The following SKAP1 variants were observed in gnomAD, a reference collection of about 807,000 sequenced individuals.
SKAP1 encodes src kinase-associated phosphoprotein 1.
SKAP1 carries 44 observed loss-of-function variants against 58.5 expected under a neutral mutation model. The ratio of observed to expected loss-of-function variants is 0.75; its 90% CI spans 0.59 to 0.97. The LOEUF is 0.97. Ranked by LOEUF, SKAP1 falls within the 50% of genes least tolerant of loss-of-function variation. The probability of loss-of-function intolerance (pLI) is 0.00; values close to 1 mark genes in which losing one functional copy is unlikely to be tolerated. For missense variants in SKAP1, 390 were observed against 435.2 expected, an observed-to-expected ratio of 0.90 and a Z score of 0.92; for synonymous variants, 127 against 149.7, an observed-to-expected ratio of 0.85 and a Z score of 1.11.
intron 9 of SKAP1, among the ~76,000 whole-genome samples, chr17:48,174,442 G>C (rs1232004367): frequency 2.0e-5 from 3 of 152,204 alleles, no homozygotes; most frequent in Non-Finnish European, 4.4e-5. Context: ...CCTAGGTTCA[G>C]AGGGCACAAT....
intron 4 of SKAP1, among the ~76,000 whole-genome samples, chr17:48,327,034 G>C (rs934599063): frequency 6.6e-6 from 1 of 152,050 alleles, no homozygotes; most frequent in Non-Finnish European, 1.5e-5. Flanking sequence ...GGGACTATAG[G>C]CGTGCGCCAC....
chr17:48,278,000 A>G (rs930398428), intron 4 of SKAP1, among the ~76,000 whole-genome samples: 2 of 152,242 alleles, frequency 1.3e-5, no homozygotes, highest in Non-Finnish European at 2.9e-5. Flanking sequence ...ACTCTAAATA[A>G]GAATTATGCT....
upstream of SKAP1, among the ~76,000 whole-genome samples, chr17:48,434,210 G>T (rs1189726330): frequency 6.6e-6 from 1 of 152,200 alleles, no homozygotes; most frequent in Non-Finnish European, 1.5e-5. Context: ...GGGGCCTAAT[G>T]AGGCCAAGAG....
chr17:48,416,614 GA>G (rs1190828921), intron 1 of SKAP1, among the ~76,000 whole-genome samples: 2 of 152,264 alleles, frequency 1.3e-5, no homozygotes, highest in Middle Eastern at 3.4e-3. Context: ...CTCCACCTTG[GA>G]AACAGTAGAA....
chr17:48,224,068 A>AAGGAGGAGG (rs1407926748), intron 4 of SKAP1, among the ~76,000 whole-genome samples: 2 of 19,244 alleles, frequency 1.0e-4, no homozygotes, highest in Non-Finnish European at 1.9e-4. Flanking sequence ...GGAGGAGGAG[A>AAGGAGGAGG]AGGAGGAGGA....
At chr17:48,339,567 C>G (rs2066619465) in intron 4 of SKAP1, among the ~76,000 whole-genome samples, 1 of 151,156 alleles carries the variant, frequency 6.6e-6, no homozygotes, top group African/African-American at 2.4e-5. Flanking sequence ...TGCTAGAATA[C>G]TATGTATTAT....
At chr17:48,320,873 G>A (rs1317885815) in intron 4 of SKAP1, among the ~76,000 whole-genome samples, 1 of 152,094 alleles carries the variant, frequency 6.6e-6, no homozygotes. Context: ...TGTTATGCTG[G>A]GCAAGGAGCA....
chr17:48,233,813 G>A (rs888447135), intron 4 of SKAP1, among the ~76,000 whole-genome samples: 23 of 152,032 alleles, frequency 1.5e-4, no homozygotes, highest in African/African-American at 5.3e-4. Context: ...CTGAGATTGT[G>A]CCATTGTACT....
chr17:48,322,065 C>T (rs976453796), intron 4 of SKAP1, among the ~76,000 whole-genome samples: 12 of 152,180 alleles, frequency 7.9e-5, no homozygotes, highest in Admixed American at 7.9e-4. Context: ...TCATTATCTG[C>T]CTGGCATTAT....
intron 11 of SKAP1, among the ~76,000 whole-genome samples, chr17:48,138,662 G>T (rs1025731096): frequency 2.0e-5 from 3 of 151,958 alleles, no homozygotes; most frequent in African/African-American, 7.3e-5. Flanking sequence ...GAGCCACTGC[G>T]CCTGGCCACA....
At chr17:48,261,977 G>A (rs921575185) in intron 4 of SKAP1, among the ~76,000 whole-genome samples, 1 of 152,232 alleles carries the variant, frequency 6.6e-6, no homozygotes, top group Non-Finnish European at 1.5e-5. Context: ...CACAGGCTAT[G>A]TAAGTAAAAG....
chr17:48,134,277 C>A (rs1385246090), intron 12 of SKAP1, among the ~76,000 whole-genome samples: 1 of 152,076 alleles, frequency 6.6e-6, no homozygotes, highest in Non-Finnish European at 1.5e-5. Context: ...AGGATAATTT[C>A]TATTTTTTTT....
chr17:48,300,308 G>T (rs2066040634), intron 4 of SKAP1, among the ~76,000 whole-genome samples: 1 of 152,200 alleles, frequency 6.6e-6, no homozygotes, highest in African/African-American at 2.4e-5. Context: ...GAGAGACAGG[G>T]CAGAATGGCA....
chr17:48,321,813 T>C (rs1369673281), intron 4 of SKAP1, among the ~76,000 whole-genome samples: 3 of 152,194 alleles, frequency 2.0e-5, no homozygotes, highest in Non-Finnish European at 4.4e-5. Flanking sequence ...CTAATCACCC[T>C]TTCCTCCCAA....
intron 4 of SKAP1, among the ~76,000 whole-genome samples, chr17:48,279,793 C>T (rs1458507432): frequency 1.3e-5 from 2 of 152,170 alleles, no homozygotes; most frequent in African/African-American, 4.8e-5. Flanking sequence ...TTCCTATGGC[C>T]CACCAACACT....
the SKAP1 span, among the ~76,000 whole-genome samples, chr17:48,442,284 A>G: frequency 6.6e-6 from 1 of 152,214 alleles, no homozygotes; most frequent in African/African-American, 2.4e-5. Context: ...AGAAATTCTT[A>G]GACAACACAG....
intron 4 of SKAP1, among the ~76,000 whole-genome samples, chr17:48,258,701 A>G (rs186091799): frequency 6.6e-6 from 1 of 152,280 alleles, no homozygotes; most frequent in East Asian, 1.9e-4. Flanking sequence ...AACACACAGC[A>G]AAGACTTGTT....
At chr17:48,438,772 T>C in the SKAP1 span, among the ~76,000 whole-genome samples, 1 of 152,096 alleles carries the variant, frequency 6.6e-6, no homozygotes, top group African/African-American at 2.4e-5. Flanking sequence ...AGAAAGAAGA[T>C]CATATCCTAG....
At chr17:48,341,782 G>A (rs2066656635) in intron 4 of SKAP1, among the ~76,000 whole-genome samples, 1 of 152,036 alleles carries the variant, frequency 6.6e-6, no homozygotes, top group East Asian at 1.9e-4. Context: ...TCAACATCCT[G>A]ATGCACAAAG....
Sources: gnomAD v4.1 joint callset for allele counts (sites outside exome capture counted in the v4.1 genomes callset) on GRCh38, gnomAD v4.1.1 for gene constraint, MANE v1.5 for transcripts, NCBI Gene and HGNC (gene_info 2026-07-23, HGNC 2026-07-21) for gene names.